The following SLF1 variants were observed in gnomAD, a reference collection of about 807,000 sequenced individuals.
SLF1 encodes SMC5/6 complex localization factor 1, also known as SMC5-SMC6 complex localization factor protein 1.
In SLF1, 105 loss-of-function variants were observed where a neutral mutation model predicts 123.0. The observed-to-expected ratio is 0.85, with a 90% CI of 0.73 to 1.00. The LOEUF (loss-of-function observed/expected upper bound fraction) is 1.00. SLF1 is among the 50% of genes least tolerant of loss of function. The pLI is 0.00. For missense variants in SLF1, 1,239 were observed against 1,223.0 expected (o/e 1.01, Z -0.20); for synonymous variants, 434 against 406.6 (o/e 1.07, Z -0.81).
chr5:94,655,401 CCTT>C (rs779751027), intron 9 of SLF1, among the ~76,000 whole-genome samples: 9 of 151,862 alleles, frequency 5.9e-5, no homozygotes, highest in East Asian at 1.9e-4. Context: ...TATTTATAGT[CCTT>C]CTTGCTCAGC....
At chr5:94,649,111 A>C (rs2152477579) in intron 5 of SLF1, among the ~76,000 whole-genome samples, 1 of 152,320 alleles carries the variant, frequency 6.6e-6, no homozygotes, top group Non-Finnish European at 1.5e-5. Context: ...TCTGTCTATA[A>C]TTGATGATTT....
chr5:94,636,627 C>G (rs774456329), intron 4 of SLF1, among the ~76,000 whole-genome samples: 3 of 146,892 alleles, frequency 2.0e-5, no homozygotes, highest in Non-Finnish European at 4.5e-5. Flanking sequence ...TATTCTTTTT[C>G]TTTGTCAGAC....
intron 14 of SLF1, among the ~76,000 whole-genome samples, chr5:94,674,653 A>G (rs1214230127): frequency 1.3e-5 from 2 of 152,194 alleles, no homozygotes; most frequent in Non-Finnish European, 2.9e-5. Context: ...GTCATTAGCT[A>G]AACAGAAGTC....
At chr5:94,654,480 A>G in intron 8 of SLF1, 150 bp from the exon 9 acceptor site, 1 of 404,006 alleles carries the variant, frequency 2.5e-6, no homozygotes, top group Non-Finnish European at 4.0e-6. Flanking sequence ...TTTTTCTTTC[A>G]TTGTGTAATC....
intron 1 of SLF1, among the ~76,000 whole-genome samples, chr5:94,620,396 T>C (rs1791651786): frequency 6.6e-6 from 1 of 152,250 alleles, no homozygotes; most frequent in Non-Finnish European, 1.5e-5. Flanking sequence ...TGAAAGTCAT[T>C]GAAAAGATGA....
At chr5:94,686,892 A>G (rs1474789228) in intron 16 of SLF1, among the ~76,000 whole-genome samples, 174 bp downstream of exon 16, 2 of 152,090 alleles carry the variant, frequency 1.3e-5, no homozygotes, top group African/African-American at 4.8e-5. Context: ...GGTGCATGGC[A>G]TTCTCCTGCC....
chr5:94,670,309 T>C, intron 13 of SLF1, 30 bp downstream of exon 13: 1 of 1,420,878 alleles, frequency 7.0e-7, no homozygotes, highest in Non-Finnish European at 9.2e-7. Flanking sequence ...ATAACACTTT[T>C]CTAAATTTTG....
At chr5:94,641,477 G>A (rs1746443454) in intron 4 of SLF1, among the ~76,000 whole-genome samples, 1 of 152,166 alleles carries the variant, frequency 6.6e-6, no homozygotes, top group Non-Finnish European at 1.5e-5. Context: ...AAAACAACAA[G>A]ACAGCTGAAT....
chr5:94,689,476 C>G lies in SLF1; in HGVS notation c.2289C>G (p.Asp763Glu), dbSNP rs1752833860. The G allele has an allele frequency of 6.2e-7, 1 of 1,611,170 alleles. No individual in the cohort carries two copies. The highest frequency in any genetic ancestry group is 1.3e-5 in the African/African-American group (1 of 74,702). Residue 763 changes from aspartate (D) to glutamate (E), a missense_variant, in exon 18 of 21, where the codon GAC (aspartate) becomes GAG (glutamate). By Grantham distance (45) the Asp-to-Glu change is conservative (BLOSUM62 2). Coordinates refer to ENST00000265140, the MANE Select transcript of SLF1 (RefSeq NM_032290.4). Reference sequence around the variant, plus strand: ...TATTTCTTACTTTTCCTTTCAGAGACCTGAACCTTGCTAAATGTTCCTCAT... The same window carrying G: ...TATTTCTTACTTTTCCTTTCAGAGAGCTGAACCTTGCTAAATGTTCCTCAT... ...KQVEGLPELL[D>E]LNLAKCSSSL...
intron 1 of SLF1, among the ~76,000 whole-genome samples, chr5:94,626,147 G>C (rs868765646): frequency 6.6e-6 from 1 of 151,748 alleles, no homozygotes; most frequent in African/African-American, 2.4e-5. Flanking sequence ...CAGCTACTCA[G>C]GAGGCTGAGG....
chr5:94,650,646 C>T (rs1377518965), intron 6 of SLF1, among the ~76,000 whole-genome samples: 1 of 151,994 alleles, frequency 6.6e-6, no homozygotes, highest in African/African-American at 2.4e-5. Context: ...TTACATAGTT[C>T]CTTAAGAAAT....
At chr5:94,644,660 C>T (rs1746807854) in intron 5 of SLF1, among the ~76,000 whole-genome samples, 1 of 152,220 alleles carries the variant, frequency 6.6e-6, no homozygotes, top group South Asian at 2.1e-4. Context: ...TTCTGCTCAT[C>T]TTTCAGGTTC....
rs1753495487 is a variant in SLF1 at position 94,696,095 on chromosome 5, A to G, written c.*783A>G. The G allele has an allele frequency of 6.6e-6, 1 of 151,798 alleles. No homozygotes were observed. The highest frequency in any genetic ancestry group is 1.5e-5 in the Non-Finnish European group (1 of 67,806). The allele number at this position is 151,798 out of a possible 1,614,324, so 9.4% of individuals were successfully genotyped here. A position where few individuals can be genotyped will look rare whatever the true frequency, so the allele number is the denominator to read the frequency against. On this transcript the variant is annotated 3_prime_UTR_variant, in exon 21 of 21. Coordinates refer to ENST00000265140, the MANE Select transcript of SLF1 (RefSeq NM_032290.4). ...AGATTTGAGATTATTTAAGATCTTA[A>G]TATATAGTATGAATTTACTGAGTAG...
At chr5:94,620,610 A>G (rs559532276) in intron 1 of SLF1, among the ~76,000 whole-genome samples, 22 of 152,336 alleles carry the variant, frequency 1.4e-4, no homozygotes, top group Admixed American at 1.0e-3. Context: ...ACTTTTTTAG[A>G]AAGTAAAATA....
At chr5:94,629,880 C>T (rs952549783) in intron 3 of SLF1, among the ~76,000 whole-genome samples, 9 of 152,134 alleles carry the variant, frequency 5.9e-5, no homozygotes, top group African/African-American at 1.9e-4. Context: ...TGTGGAGGCT[C>T]ATGCCTGTAA....
At chr5:94,680,636 A>G (rs567169846) in intron 15 of SLF1, among the ~76,000 whole-genome samples, 12 of 152,296 alleles carry the variant, frequency 7.9e-5, no homozygotes, top group African/African-American at 2.9e-4. Context: ...CTTGTTTCCA[A>G]TACATAGTAA....
At chr5:94,671,245 A>G (rs1561461425) in intron 14 of SLF1, among the ~76,000 whole-genome samples, 1 of 152,002 alleles carries the variant, frequency 6.6e-6, no homozygotes. Context: ...CTGCTAAGAA[A>G]TCTCTAGTTA....
chr5:94,693,344 T>A, intron 20 of SLF1, among the ~76,000 whole-genome samples: 1 of 152,064 alleles, frequency 6.6e-6, no homozygotes, highest in East Asian at 1.9e-4. Flanking sequence ...TTCTACCTCC[T>A]TAATGTTTTA....
intron 1 of SLF1, among the ~76,000 whole-genome samples, chr5:94,619,596 A>C (rs1002725423): frequency 6.8e-6 from 1 of 147,662 alleles, no homozygotes; most frequent in Non-Finnish European, 1.5e-5. Context: ...TTGACGAATG[A>C]CTTTATTAAA....
Sources: allele counts gnomAD v4.1 joint callset (sites outside exome capture counted in the v4.1 genomes callset), GRCh38; gene constraint gnomAD v4.1.1; transcripts MANE v1.5; gene names NCBI Gene and HGNC (gene_info 2026-07-23, HGNC 2026-07-21).